Variants in C2 observed in about 807,000 individuals in gnomAD.
The protein encoded by C2 is complement C2.
In C2, 64 loss-of-function variants were observed where a neutral mutation model predicts 85.2. The observed-to-expected ratio is 0.75, with a 90% CI of 0.61 to 0.92. The LOEUF is 0.92. Ranked by LOEUF, C2 falls within the 40% of genes least tolerant of loss-of-function variation. C2 has a pLI of 0.00. For missense variants in C2, 820 were observed against 971.6 expected (o/e 0.84, Z 2.07); for synonymous variants, 311 against 370.8 (o/e 0.84, Z 1.85).
In C2 at chr6:31,943,597, C is replaced by G; in HGVS notation, c.1568-47C>G. 1 of 1,610,266 alleles carries G rather than the reference C, an allele frequency of 6.2e-7. No homozygotes were observed. Reference sequence around the variant, plus strand: ...TCCTACCACCTCACCCAGCCTCTGGCCCCTGCAGGAGCCCTGGTCTAGCCT... The same window carrying G: ...TCCTACCACCTCACCCAGCCTCTGGGCCCTGCAGGAGCCCTGGTCTAGCCT... On this transcript the variant is annotated intron_variant, in intron 12 of 17. Coordinates refer to ENST00000299367, the MANE Select transcript of C2 (RefSeq NM_000063.6). This position sits in a 1 kb window ranked among gnomAD's most constrained non-coding sequence, Gnocchi z 6.4.
At chr6:31,931,113 T>C (rs1352134735) in intron 3 of C2, among the ~76,000 whole-genome samples, 4 of 152,238 alleles carry the variant, frequency 2.6e-5, no homozygotes, top group Admixed American at 6.5e-5. Flanking sequence ...GATTTATCCA[T>C]GCTGTTGTGT....
At chr6:31,899,902 C>T, upstream of C2, 1 of 1,549,486 alleles carries the variant, frequency 6.5e-7, no homozygotes, top group Non-Finnish European at 8.7e-7. Context: ...GGGCCCCAGC[C>T]TCCTGGCCTC....
At chr6:31,927,337 T>G, upstream of C2, 1 of 299,458 alleles carries the variant, frequency 3.3e-6, no homozygotes, top group Non-Finnish European at 5.9e-6. The surrounding 1 kb of genome is among the most constrained non-coding windows in gnomAD (Gnocchi z 4.7). Flanking sequence ...CTTGGATGGT[T>G]TGTGGGTTTG....
chr6:31,923,147 T>A (rs1329167367), upstream of C2, among the ~76,000 whole-genome samples: 1 of 152,198 alleles, frequency 6.6e-6, no homozygotes, highest in Non-Finnish European at 1.5e-5. Flanking sequence ...TGGGGTCTAC[T>A]GAAAAGCTAA....
In C2 at chr6:31,921,435, G is replaced by A. The variant is rs1768961289; in HGVS notation, c.-100+1409G>A. ...TGGAAAAGAAGGTGTTATGGGAGAG[G>A]GGGTGCCAAGAGGAAAGAGCCTAGG... On this transcript the variant is annotated intron_variant, in intron 1 of 3. Coordinates refer to the C2 transcript ENST00000413154. This position sits in a 1 kb window ranked among gnomAD's most constrained non-coding sequence, Gnocchi z 4.6. Among the ~76,000 whole-genome samples, 1 of 152,074 alleles carries A rather than the reference G, an allele frequency of 6.6e-6. No individual in the cohort carries two copies.
intron 1 of C2, among the ~76,000 whole-genome samples, chr6:31,907,345 A>G (rs1247242547): frequency 1.3e-5 from 2 of 151,714 alleles, no homozygotes; most frequent in African/African-American, 2.4e-5. Context: ...TACGCCTGTA[A>G]ACTCAGCACT....
chr6:31,933,818 G>A, intron 4 of C2, 35 bp downstream of exon 4: 1 of 1,613,574 alleles, frequency 6.2e-7, no homozygotes, highest in Non-Finnish European at 8.5e-7. Flanking sequence ...AGATTCCTCG[G>A]CACACCCGGC....
intron 1 of C2, among the ~76,000 whole-genome samples, chr6:31,903,787 A>G (rs561019113): frequency 1.3e-5 from 2 of 152,054 alleles, no homozygotes; most frequent in Non-Finnish European, 2.9e-5. Flanking sequence ...GGCAGCGTAG[A>G]CAGTGTTTAG....
chr6:31,913,391 C>T (rs1266339476), intron 1 of C2, among the ~76,000 whole-genome samples: 2 of 152,172 alleles, frequency 1.3e-5, no homozygotes, highest in South Asian at 2.1e-4. Context: ...GCCTGGCCAA[C>T]ATGGTGAACC....
chr6:31,940,869 G>C (rs1192399247), intron 9 of C2, among the ~76,000 whole-genome samples: 1 of 152,246 alleles, frequency 6.6e-6, no homozygotes, highest in Non-Finnish European at 1.5e-5. Flanking sequence ...CCTGGCTGAA[G>C]ATCTCTTGGT....
upstream of C2, among the ~76,000 whole-genome samples, chr6:31,919,420 C>T (rs561776450): frequency 3.3e-5 from 5 of 152,356 alleles, no homozygotes; most frequent in East Asian, 7.7e-4. Context: ...GCTGGGATTA[C>T]AGGCGTGAGC....
rs772242480 is a variant in C2, at chr6:31,934,016, C to T, written c.715+51C>T. On this transcript the variant is annotated intron_variant, in intron 5 of 17. Transcript: ENST00000299367. ...GTTGAGCAGGGTGCTGGATCTGGGC[C>T]GGAGCAAGGGAGGATGCAACCTTCC... is the stretch of plus-strand genomic sequence containing the variant. The T allele has an allele frequency of 5.1e-6, 8 of 1,570,330 alleles. No individual in the cohort carries two copies. In the East Asian group the frequency reaches 1.3e-4, roughly 26 times the overall value.
Position 31,944,000 on chromosome 6 carries a change from G to T in C2, c.1810+7G>T. ...AGCACCTGTAGGGACCATGGTGAGT[G>T]CTGGGACTTATGGTGCTTGAGAGCT... On this transcript the variant is annotated splice_region_variant and intron_variant, in intron 14 of 17. Transcript: ENST00000299367. This position sits in a 1 kb window ranked among gnomAD's most constrained non-coding sequence, Gnocchi z 6.4. 2 of 1,612,684 alleles carry T rather than the reference G, an allele frequency of 1.2e-6. No homozygotes were observed. The highest frequency in any genetic ancestry group is 1.7e-6 in the Non-Finnish European group (2 of 1,179,690).
At chr6:31,922,854 C>G (rs1769058999), upstream of C2, among the ~76,000 whole-genome samples, 1 of 151,970 alleles carries the variant, frequency 6.6e-6, no homozygotes, top group South Asian at 2.1e-4. The surrounding 1 kb of genome is among the most constrained non-coding windows in gnomAD (Gnocchi z 4.8). Context: ...AAACAAAAAA[C>G]CAAAAAAACC....
chr6:31,934,642 A>G, intron 6 of C2: 2 of 1,331,302 alleles, frequency 1.5e-6, no homozygotes, highest in Non-Finnish European at 1.9e-6. Flanking sequence ...CCTGTGGAAT[A>G]ATTTAAATCA....
At chr6:31,928,662 C>T (rs768981742) in intron 2 of C2, 70 bp from the exon 3 acceptor site, 27 of 1,485,928 alleles carry the variant, frequency 1.8e-5, no homozygotes, top group Non-Finnish European at 2.5e-5. Context: ...CATAAAATCA[C>T]CTGCTTAATC....
chr6:31,909,898 T>C (rs1767974544), intron 1 of C2, among the ~76,000 whole-genome samples: 2 of 151,930 alleles, frequency 1.3e-5, no homozygotes, highest in Admixed American at 6.6e-5. Flanking sequence ...TGTTTTTTTT[T>C]GAGACAGCGT....
At chr6:31,919,370 C>T (rs1438703105), upstream of C2, among the ~76,000 whole-genome samples, 2 of 152,120 alleles carry the variant, frequency 1.3e-5, no homozygotes, top group Non-Finnish European at 2.9e-5. Context: ...GTCTCAAACT[C>T]CTGACCTCAG....
intron 2 of C2, 88 bp from the exon 3 acceptor site, chr6:31,928,644 C>A: frequency 7.7e-7 from 1 of 1,302,494 alleles, no homozygotes; most frequent in Non-Finnish European, 1.1e-6. Flanking sequence ...CATTCCCATG[C>A]ATTCCAGCAT....
Sources: gnomAD v4.1 joint callset for allele counts (sites outside exome capture counted in the v4.1 genomes callset) on GRCh38, gnomAD v4.1.1 for gene constraint, Gnocchi (gnomAD v3.1) non-coding constraint, MANE v1.5 for transcripts, NCBI Gene and HGNC (gene_info 2026-07-23, HGNC 2026-07-21) for gene names.